KIF6: variants seen among roughly 807,000 people sequenced by gnomAD.
KIF6 encodes the protein kinesin-like protein KIF6.
Under a neutral mutation model 112.7 loss-of-function variants are expected in KIF6, and 106 were observed. The ratio of observed to expected loss-of-function variants is 0.94; its 90% confidence interval spans 0.80 to 1.11. The LOEUF is 1.11. Ranked by LOEUF, KIF6 falls within the 50% of genes least tolerant of loss-of-function variation. The probability of loss-of-function intolerance (pLI) is 0.00; values close to 1 mark genes in which losing one functional copy is unlikely to be tolerated. For missense variants in KIF6, 929 were observed against 964.0 expected (o/e 0.96, Z 0.48); for synonymous variants, 339 against 339.9 (o/e 1.00, Z 0.03).
At chr6:39,558,525 A>C (rs979718726) in intron 10 of KIF6, among the ~76,000 whole-genome samples, 4 of 152,190 alleles carry the variant, frequency 2.6e-5, no homozygotes, top group Admixed American at 2.6e-4. Context: ...GGAAAGCAAG[A>C]GAGAAAGACA....
In KIF6 at chr6:39,357,102, A is replaced by G. The variant is rs528934283; in HGVS notation, c.2180+175T>C. On this transcript the variant is annotated intron_variant, in intron 19 of 22. Transcript: ENST00000287152. ...AGGGACTGAAGGGGTGTGCACTCCA[A>G]CCAACTTGAAAGCCACTGTCTTGAG... Among the ~76,000 whole-genome samples, 107 of 152,276 alleles carry G rather than the reference A, an allele frequency of 7.0e-4. 1 individual carries two copies. Among genetic ancestry groups the G allele is most frequent in the African/African-American group, 2.4e-3 (100 of 41,554 alleles).
At chr6:39,550,265 T>G (rs1370904425) in intron 10 of KIF6, among the ~76,000 whole-genome samples, 1 of 152,140 alleles carries the variant, frequency 6.6e-6, no homozygotes, top group Non-Finnish European at 1.5e-5. Flanking sequence ...AAACCATATC[T>G]CTATGGCACT....
chr6:39,604,982 A>C (rs2150704061), intron 6 of KIF6, among the ~76,000 whole-genome samples: 1 of 152,258 alleles, frequency 6.6e-6, no homozygotes. Flanking sequence ...ATTAAAGTCA[A>C]ACACATTTAT....
chr6:39,478,608 C>T (rs9369120), intron 13 of KIF6, among the ~76,000 whole-genome samples: 9,226 of 151,910 alleles, frequency 0.061, 496 homozygotes, highest in East Asian at 0.25. Flanking sequence ...TTTAAGGAAT[C>T]GCCGCACTGT....
intron 10 of KIF6, among the ~76,000 whole-genome samples, chr6:39,555,417 C>T (rs1332070448): frequency 2.6e-5 from 4 of 152,096 alleles, no homozygotes; most frequent in East Asian, 3.9e-4. Context: ...TCTGGCCTTA[C>T]GGCTCCTCCT....
chr6:39,565,583 G>C (rs943357146), intron 10 of KIF6, among the ~76,000 whole-genome samples: 1 of 152,158 alleles, frequency 6.6e-6, no homozygotes, highest in African/African-American at 2.4e-5. Flanking sequence ...GTAAGCAAAT[G>C]AGATAAATGA....
chr6:39,399,935 C>T (rs745512660), intron 15 of KIF6, among the ~76,000 whole-genome samples: 2 of 152,190 alleles, frequency 1.3e-5, no homozygotes, highest in Non-Finnish European at 2.9e-5. Flanking sequence ...TAGAGGATAG[C>T]GTGCCCAGCA....
rs113998274 is a variant in KIF6 at position 39,342,352 on chromosome 6, C to T, written c.2428+1357G>A. Among the ~76,000 whole-genome samples, 1,463 of 152,308 alleles carry T rather than the reference C, an allele frequency of 9.6e-3. 24 individuals are homozygous for T. Among genetic ancestry groups the T allele is most frequent in the African/African-American group, 0.033 (1,383 of 41,568 alleles). ...CTTATTATCCCCTCAAACAATCTTA[C>T]GTATTTGTCGACGTGTTCATTGTCT... On this transcript the variant is annotated intron_variant, in intron 22 of 22. Transcript: ENST00000287152. This position sits in a 1 kb window ranked among gnomAD's most constrained non-coding sequence, Gnocchi z 4.7.
chr6:39,539,375 ACT>A (rs1369430999), intron 13 of KIF6, among the ~76,000 whole-genome samples: 1 of 152,042 alleles, frequency 6.6e-6, no homozygotes, highest in Non-Finnish European at 1.5e-5. Context: ...ACAGAGTCTC[ACT>A]CTGTCACCCA....
At position 39,345,740 on chromosome 6, in the gene KIF6, T is replaced by C; in HGVS notation, c.2281A>G (p.Ser761Gly). The C allele has an allele frequency of 1.2e-6, 2 of 1,613,996 alleles. No homozygotes were observed. The highest frequency in any genetic ancestry group is 2.2e-5 in the East Asian group (1 of 44,884). Reference sequence around the variant, plus strand: ...GTGCTGGTGCTGCTCTGTTTCTGGCTGTGTGGACTGGGGCAAGGCGAGGGC... The same window carrying C: ...GTGCTGGTGCTGCTCTGTTTCTGGCCGTGTGGACTGGGGCAAGGCGAGGGC... ...ILPSPCPSPHSQKQSSTSTPL... is the reference protein window; with the variant it reads ...ILPSPCPSPHGQKQSSTSTPL... The change falls in exon 21 of 23, where the codon AGC (serine) becomes GGC (glycine). Residue 761 changes from serine to glycine, a missense_variant. Physicochemically the swap from Ser to Gly is moderately conservative, Grantham distance 56 (BLOSUM62 0). Coordinates refer to ENST00000287152, the MANE Select transcript of KIF6 (RefSeq NM_145027.6).
intron 13 of KIF6, among the ~76,000 whole-genome samples, chr6:39,449,452 T>G (rs1180696429): frequency 6.6e-6 from 1 of 152,240 alleles, no homozygotes; most frequent in Non-Finnish European, 1.5e-5. Context: ...GCTTTATACT[T>G]GCTGCTTGTT....
chr6:39,373,485 C>A (rs1402710961), intron 16 of KIF6, among the ~76,000 whole-genome samples: 1 of 151,866 alleles, frequency 6.6e-6, no homozygotes, highest in East Asian at 1.9e-4. Context: ...AAGACTCAAC[C>A]AAAAAACTTT....
At chr6:39,623,828 C>G (rs1164117428) in intron 5 of KIF6, among the ~76,000 whole-genome samples, 1 of 152,092 alleles carries the variant, frequency 6.6e-6, no homozygotes, top group Non-Finnish European at 1.5e-5. Context: ...ATCACCTGGC[C>G]CAGATAACTC....
intron 13 of KIF6, among the ~76,000 whole-genome samples, chr6:39,455,120 G>T (rs958351328): frequency 6.6e-5 from 10 of 152,174 alleles, no homozygotes; most frequent in African/African-American, 2.4e-4. Flanking sequence ...AAATGTCCCT[G>T]TCTGACAGCT....
At chr6:39,681,413 C>T (rs912775022) in intron 3 of KIF6, among the ~76,000 whole-genome samples, 13 of 151,954 alleles carry the variant, frequency 8.6e-5, no homozygotes, top group Non-Finnish European at 8.8e-5. Context: ...AAAAACAGCA[C>T]CTGAGGATGT....
intron 7 of KIF6, among the ~76,000 whole-genome samples, chr6:39,588,026 A>C (rs1781729034): frequency 6.6e-6 from 1 of 152,224 alleles, no homozygotes; most frequent in South Asian, 2.1e-4. Flanking sequence ...TCACGTGGTA[A>C]CTGGGACACT....
At chr6:39,355,459 CTTTTT>C (rs574801087) in intron 19 of KIF6, among the ~76,000 whole-genome samples, 2 of 82,750 alleles carry the variant, frequency 2.4e-5, no homozygotes, top group African/African-American at 4.9e-5. Context: ...TTTAAGAAGT[CTTTTT>C]TTTTTTTTTT....
intron 16 of KIF6, among the ~76,000 whole-genome samples, chr6:39,377,710 G>C (rs572642062): frequency 1.3e-5 from 2 of 152,322 alleles, no homozygotes; most frequent in Admixed American, 6.5e-5. Context: ...ACAACGCAGT[G>C]AAACAGGGAG....
At chr6:39,492,227 G>A (rs1775519963) in intron 13 of KIF6, among the ~76,000 whole-genome samples, 1 of 152,200 alleles carries the variant, frequency 6.6e-6, no homozygotes. Context: ...TAAGGGCATT[G>A]CTGCACAGCA....
Sources: gnomAD v4.1 joint callset for allele counts (sites outside exome capture counted in the v4.1 genomes callset) on GRCh38, gnomAD v4.1.1 for gene constraint, Gnocchi (gnomAD v3.1) non-coding constraint, MANE v1.5 for transcripts, NCBI Gene and HGNC (gene_info 2026-07-23, HGNC 2026-07-21) for gene names.